The following SCN10A variants were observed in gnomAD, a reference collection of about 807,000 sequenced individuals.
The protein encoded by SCN10A is sodium voltage-gated channel alpha subunit 10, also known as sodium channel protein type 10 subunit alpha.
In SCN10A, 162 loss-of-function variants were observed where a neutral mutation model predicts 170.7. The observed-to-expected ratio is 0.95, with a 90% CI of 0.84 to 1.08. The LOEUF (loss-of-function observed/expected upper bound fraction) is 1.08. SCN10A is among the 50% of genes least tolerant of loss of function. The pLI is 0.00. For missense variants in SCN10A, 2,527 were observed against 2,436.9 expected, an observed-to-expected ratio of 1.04 and a Z score of -0.78; for synonymous variants, 985 against 904.6, an observed-to-expected ratio of 1.09 and a Z score of -1.59.
intron 26 of SCN10A, among the ~76,000 whole-genome samples, chr3:38,704,275 C>T (rs1575926258): frequency 6.6e-6 from 1 of 152,220 alleles, no homozygotes; most frequent in African/African-American, 2.4e-5. Flanking sequence ...GGCAGAACTG[C>T]TGGCTCACAT....
chr3:38,699,029 C>T (rs1320076144), intron 27 of SCN10A, among the ~76,000 whole-genome samples: 1 of 152,108 alleles, frequency 6.6e-6, no homozygotes, highest in Non-Finnish European at 1.5e-5. Context: ...TATGATTCCT[C>T]TCCCTACCTC....
chr3:38,748,087 A>C (rs7430861), intron 13 of SCN10A, among the ~76,000 whole-genome samples: 37,430 of 152,054 alleles, frequency 0.25, 4,801 homozygotes, highest in African/African-American at 0.29. Context: ...GAGGAAGCTT[A>C]ACAGTTTTCG....
intron 15 of SCN10A, 106 bp from the exon 16 acceptor site, chr3:38,729,007 T>G: frequency 1.4e-6 from 2 of 1,434,500 alleles, no homozygotes; most frequent in Non-Finnish European, 1.9e-6. Context: ...AGGCCTCTCA[T>G]CCCATTAAAC....
Position 38,761,283 on chromosome 3 carries a change from C to A in SCN10A, c.792G>T (p.Gly264=), listed in dbSNP as rs765147928. ...IFCLSVFALV[G]LQLFKGNLKN... is the part of the protein sequence containing the mutation. ...TGAGGTTGCCCTTGAAGAGTTGCAGCCCCACCAAGGCAAAAACACTTAGGC... is the reference window on the plus strand; with the variant it reads ...TGAGGTTGCCCTTGAAGAGTTGCAGACCCACCAAGGCAAAAACACTTAGGC... Residue 264 remains glycine, a synonymous_variant, in exon 7 of 28, where the codon GGG becomes GGT. Coordinates refer to ENST00000449082, the MANE Select transcript of SCN10A (RefSeq NM_006514.4). 1 of 1,613,964 alleles carries A rather than the reference C, an allele frequency of 6.2e-7. No homozygotes were observed. The highest frequency in any genetic ancestry group is 8.5e-7 in the Non-Finnish European group (1 of 1,179,916).
At chr3:38,736,962 C>CG (rs1347155860) in intron 15 of SCN10A, among the ~76,000 whole-genome samples, 10 of 69,244 alleles carry the variant, frequency 1.4e-4, no homozygotes, top group East Asian at 4.6e-4. Flanking sequence ...CAGAAATGTT[C>CG]GTTTTTTTTT....
chr3:38,754,295 T>A lies in SCN10A; in HGVS notation c.1461+1493A>T, dbSNP rs562091717. On this transcript the variant is annotated intron_variant, in intron 11 of 27. Transcript: ENST00000449082. ...TTCTTCCCTGATTCTCAAAACACCA[T>A]GTATGTGTCTCTAATACACTATTTA... Among the ~76,000 whole-genome samples, 5 of 152,340 alleles carry A rather than the reference T, an allele frequency of 3.3e-5. No individual in the cohort carries two copies. The South Asian group carries it at 1.0e-3, about 32-fold the overall frequency.
intron 1 of SCN10A, among the ~76,000 whole-genome samples, chr3:38,812,324 C>T (rs1429343956): frequency 2.0e-5 from 3 of 152,182 alleles, no homozygotes; most frequent in African/African-American, 7.2e-5. Flanking sequence ...AGCCTTGAGG[C>T]TAACTTAGTG....
At chr3:38,759,800 G>A (rs1380705755) in intron 8 of SCN10A, among the ~76,000 whole-genome samples, 2 of 152,148 alleles carry the variant, frequency 1.3e-5, no homozygotes. Context: ...CCGAGCAGTG[G>A]GGCTGTCCCC....
chr3:38,737,037 C>T (rs1360386320), intron 15 of SCN10A, among the ~76,000 whole-genome samples: 1 of 123,896 alleles, frequency 8.1e-6, no homozygotes, highest in Non-Finnish European at 1.6e-5. Context: ...GTGGCGCAAT[C>T]TCGGCTCACT....
intron 3 of SCN10A, among the ~76,000 whole-genome samples, chr3:38,789,556 A>G (rs184707511): frequency 5.7e-4 from 87 of 152,270 alleles, no homozygotes; most frequent in Non-Finnish European, 1.8e-4. Context: ...TTTCATGGGA[A>G]TTAGTTTCAT....
At chr3:38,710,687 G>C (rs1473849512) in intron 24 of SCN10A, among the ~76,000 whole-genome samples, 157 bp downstream of exon 24, 1 of 152,142 alleles carries the variant, frequency 6.6e-6, no homozygotes, top group Non-Finnish European at 1.5e-5. Flanking sequence ...ACTCAACAGA[G>C]AGCCAGCTGG....
chr3:38,757,986 A>T (rs1046725685), intron 8 of SCN10A, among the ~76,000 whole-genome samples: 1 of 152,220 alleles, frequency 6.6e-6, no homozygotes, highest in Non-Finnish European at 1.5e-5. Flanking sequence ...TCAATGAAAC[A>T]GCAATGCCTC....
Position 38,710,866 on chromosome 3 carries a change from T to C in SCN10A, c.4121A>G (p.Tyr1374Cys), listed in dbSNP as rs1160216765. The C allele has an allele frequency of 6.2e-7, 1 of 1,613,780 alleles. No homozygotes were observed. Among genetic ancestry groups the C allele is most frequent in the Non-Finnish European group, 8.5e-7 (1 of 1,179,884 alleles). ...CACCTCCCGGGAATCAACAGCTGCA[T>C]ACATAATGTCCATCCAGCCTTTAAA... ...ATFKGWMDIM[Y>C]AAVDSREVNM... The change falls in exon 24 of 28, where the codon TAT becomes TGT. Residue 1374 changes from tyrosine (Y) to cysteine (C), a missense_variant. Tyr to Cys is a radical substitution (Grantham distance 194). Transcript: ENST00000449082.
intron 4 of SCN10A, among the ~76,000 whole-genome samples, chr3:38,772,743 A>C (rs11705730): frequency 0.25 from 37,474 of 149,770 alleles, 5,640 homozygotes; most frequent in East Asian, 0.41. Flanking sequence ...AAACAAAAAA[A>C]AAAAAACCTG....
chr3:38,751,972 G>A (rs778806841), intron 12 of SCN10A, among the ~76,000 whole-genome samples: 9 of 152,130 alleles, frequency 5.9e-5, no homozygotes, highest in Non-Finnish European at 1.0e-4. Context: ...GAAATATGGG[G>A]TCAAATGGAA....
At chr3:38,814,290 A>G (rs2064458093) in intron 1 of SCN10A, among the ~76,000 whole-genome samples, 1 of 152,166 alleles carries the variant, frequency 6.6e-6, no homozygotes, top group East Asian at 1.9e-4. Context: ...TGTTTCACTC[A>G]TGGGCTCAGG....
At position 38,742,450 on chromosome 3, in the gene SCN10A, G is replaced by A; in HGVS notation, c.1947C>T (p.Pro649=). ...GAATTGTCTTGAGCTTCACCCACATGGGGCAGCAATCCCAGATCAGATACT... is the reference window on the plus strand; with the variant it reads ...GAATTGTCTTGAGCTTCACCCACATAGGGCAGCAATCCCAGATCAGATACT... ...SQKYLIWDCC[P]MWVKLKTILF... Residue 649 remains proline, a synonymous_variant, in exon 14 of 28, where the codon CCC becomes CCT. Coordinates refer to ENST00000449082, the MANE Select transcript of SCN10A (RefSeq NM_006514.4). 1 of 1,614,184 alleles carries A rather than the reference G, an allele frequency of 6.2e-7. No individual in the cohort carries two copies. The highest frequency in any genetic ancestry group is 8.5e-7 in the Non-Finnish European group (1 of 1,180,032).
intron 1 of SCN10A, among the ~76,000 whole-genome samples, chr3:38,812,011 C>T (rs1156414948): frequency 6.6e-6 from 1 of 152,226 alleles, no homozygotes; most frequent in African/African-American, 2.4e-5. Context: ...ACTTCCTGAG[C>T]ACCTTGATCC....
At chr3:38,776,412 T>C (rs1000854922) in intron 4 of SCN10A, among the ~76,000 whole-genome samples, 1 of 152,084 alleles carries the variant, frequency 6.6e-6, no homozygotes, top group African/African-American at 2.4e-5. Context: ...ATTGTGATAT[T>C]ATGCAAAGCG....
Sources: gnomAD v4.1 joint callset for allele counts (sites outside exome capture counted in the v4.1 genomes callset) on GRCh38, gnomAD v4.1.1 for gene constraint, MANE v1.5 for transcripts, NCBI Gene and HGNC (gene_info 2026-07-23, HGNC 2026-07-21) for gene names.